The following IGF1 variants were observed in gnomAD, a reference collection of about 807,000 sequenced individuals.
IGF1 encodes the protein insulin like growth factor 1, also known as insulin-like growth factor 1.
Under a neutral mutation model 13.8 loss-of-function variants are expected in IGF1, and 4 were observed. That is an observed-to-expected ratio of 0.29 (90% CI 0.14 to 0.66). The LOEUF is 0.66. Among genes scored for constraint, IGF1 ranks in the 30% least tolerant of loss-of-function variants. The pLI, the probability that IGF1 is intolerant of heterozygous loss-of-function variation, is 0.78. For missense variants in IGF1, 124 were observed against 188.5 expected, an observed-to-expected ratio of 0.66 and a Z score of 2.00; for synonymous variants, 76 against 72.6, an observed-to-expected ratio of 1.05 and a Z score of -0.23.
At chr12:102,448,664 A>G (rs1403576781) in intron 2 of IGF1, among the ~76,000 whole-genome samples, 6 of 141,714 alleles carry the variant, frequency 4.2e-5, no homozygotes, top group Non-Finnish European at 7.5e-5. Context: ...CAATGTGCAC[A>G]TGTACCCTAA....
rs190082439 is a variant in IGF1, at chr12:102,478,377, C to T, written c.63+1942G>A. The T allele has an allele frequency of 1.5e-4, 80 of 523,234 alleles. 1 individual carries two copies. The highest frequency in any genetic ancestry group is 1.5e-3 in the African/African-American group (74 of 50,308). 32.4% of individuals were successfully genotyped at this position (523,234 alleles called of 1,614,324 possible). ...TTCACAAACCCAAATTTTAAAAGTT[C>T]TTTTTTTTTTAATCTTAGATAAATG... On this transcript the variant is annotated intron_variant, in intron 1 of 3. Coordinates refer to ENST00000337514, the MANE Select transcript of IGF1 (RefSeq NM_000618.5).
chr12:102,405,129 C>A (rs1874037387), intron 3 of IGF1, among the ~76,000 whole-genome samples: 1 of 151,250 alleles, frequency 6.6e-6, no homozygotes, highest in Admixed American at 6.6e-5. Context: ...ACTCTGTCAC[C>A]CAGGCTGGAG....
At chr12:102,441,955 C>CTTCTTCTTCTTCTTCT (rs1555244164) in intron 2 of IGF1, among the ~76,000 whole-genome samples, 25 of 140,052 alleles carry the variant, frequency 1.8e-4, no homozygotes, top group African/African-American at 5.4e-4. Flanking sequence ...TCTTCTTCTT[C>CTTCTTCTTCTTCTTCT]TTTTTTTTTT....
At chr12:102,481,740 G>C (rs1419224197), upstream of IGF1, 1 of 152,000 alleles carries the variant, frequency 6.6e-6, no homozygotes, top group Non-Finnish European at 1.5e-5. Context: ...TGGTTTCCCA[G>C]GAGTGGTGGA....
rs1592726415 is a variant in IGF1 at position 102,399,647 on chromosome 12, G to A, written c.*2860C>T. On this transcript the variant is annotated 3_prime_UTR_variant, in exon 4 of 4. Coordinates refer to ENST00000337514, the MANE Select transcript of IGF1 (RefSeq NM_000618.5). ...ATAATCCAGTTGGAGAGGATTATGT[G>A]TTGGAAAAAGTTAAGAAAGATAATA... is the stretch of plus-strand genomic sequence containing the variant. The A allele has an allele frequency of 6.6e-6, 1 of 152,268 alleles. No individual in the cohort carries two copies. Among genetic ancestry groups the A allele is most frequent in the East Asian group, 1.9e-4 (1 of 5,186 alleles). 9.4% of individuals were successfully genotyped at this position (152,268 alleles called of 1,614,324 possible).
chr12:102,444,862 A>G (rs888895552), intron 2 of IGF1, among the ~76,000 whole-genome samples: 1 of 152,148 alleles, frequency 6.6e-6, no homozygotes, highest in Non-Finnish European at 1.5e-5. Context: ...TGATTGCCTC[A>G]GGTGGTACAA....
intron 3 of IGF1, chr12:102,417,994 G>C (rs1169298184): frequency 1.4e-5 from 22 of 1,612,452 alleles, no homozygotes; most frequent in Non-Finnish European, 1.9e-5. Flanking sequence ...TTGGTAGATG[G>C]GGGCTGATAC....
chr12:102,480,856 G>A (rs1169933114), upstream of IGF1, among the ~76,000 whole-genome samples: 1 of 152,180 alleles, frequency 6.6e-6, no homozygotes, highest in South Asian at 2.1e-4. Context: ...TTTCTGCTGG[G>A]CATGAAGACA....
At chr12:102,418,307 C>A (rs922331420) in intron 3 of IGF1, among the ~76,000 whole-genome samples, 1 of 152,230 alleles carries the variant, frequency 6.6e-6, no homozygotes, top group East Asian at 1.9e-4. Context: ...TTCTGAGATC[C>A]TTGCTTCCTG....
chr12:102,438,418 A>G (rs1268912918), intron 2 of IGF1, among the ~76,000 whole-genome samples: 1 of 152,224 alleles, frequency 6.6e-6, no homozygotes, highest in African/African-American at 2.4e-5. Context: ...AGCTTAGGAA[A>G]CGGCTGTAAA....
chr12:102,468,834 A>C (rs569778586), intron 2 of IGF1, among the ~76,000 whole-genome samples: 2 of 152,346 alleles, frequency 1.3e-5, no homozygotes, highest in Admixed American at 1.3e-4. Flanking sequence ...TGTTATCGAG[A>C]ACAATGAGAC....
At chr12:102,416,582 C>T (rs566320556) in intron 3 of IGF1, among the ~76,000 whole-genome samples, 1 of 152,314 alleles carries the variant, frequency 6.6e-6, no homozygotes, top group East Asian at 1.9e-4. Context: ...TTCTGGATCT[C>T]AGTGTCCTAG....
At chr12:102,480,644 T>G (rs938275367), upstream of IGF1, 15 of 1,268,602 alleles carry the variant, frequency 1.2e-5, no homozygotes, top group African/African-American at 2.1e-4. Flanking sequence ...ACATTTGCCT[T>G]CTCTCTCTCT....
In IGF1 at chr12:102,400,648, A is replaced by G. The variant is rs928576394; in HGVS notation, c.*1859T>C. On this transcript the variant is annotated 3_prime_UTR_variant, in exon 4 of 4. Coordinates refer to ENST00000337514, the MANE Select transcript of IGF1 (RefSeq NM_000618.5). ...TATTAGATATTATTTTAATATTTCA[A>G]ATTTTGGATCACTTTCCTTATATTG... The G allele has an allele frequency of 5.9e-5, 9 of 152,172 alleles. No homozygotes were observed. Among genetic ancestry groups the G allele is most frequent in the African/African-American group, 2.2e-4 (9 of 41,452 alleles). The allele number at this position is 152,172 out of a possible 1,614,324, so 9.4% of individuals were successfully genotyped here.
At chr12:102,409,171 C>A (rs1874421132) in intron 3 of IGF1, among the ~76,000 whole-genome samples, 1 of 152,144 alleles carries the variant, frequency 6.6e-6, no homozygotes, top group Non-Finnish European at 1.5e-5. Flanking sequence ...ATTTACCTGG[C>A]ATGCGGTATA....
intron 2 of IGF1, among the ~76,000 whole-genome samples, chr12:102,469,586 A>T (rs1880564020): frequency 6.6e-6 from 1 of 152,212 alleles, no homozygotes; most frequent in Non-Finnish European, 1.5e-5. Flanking sequence ...ATATAGGGTC[A>T]TTACATAGAT....
At chr12:102,439,679 C>T (rs1228152976) in intron 2 of IGF1, among the ~76,000 whole-genome samples, 1 of 145,492 alleles carries the variant, frequency 6.9e-6, no homozygotes, top group African/African-American at 2.6e-5. Context: ...TATTTTAAGG[C>T]TCATTTGGAG....
chr12:102,449,133 G>C (rs906446236), intron 2 of IGF1, among the ~76,000 whole-genome samples: 2 of 152,140 alleles, frequency 1.3e-5, no homozygotes, highest in East Asian at 1.9e-4. Context: ...CAATAGGAAA[G>C]ACTTGGAACC....
chr12:102,451,010 T>C (rs1257283524), intron 2 of IGF1, among the ~76,000 whole-genome samples: 2 of 152,162 alleles, frequency 1.3e-5, no homozygotes, highest in Non-Finnish European at 2.9e-5. Flanking sequence ...TGTCAGTGGA[T>C]AACAAGGAGA....
Sources: gnomAD v4.1 joint callset for allele counts (sites outside exome capture counted in the v4.1 genomes callset) on GRCh38, gnomAD v4.1.1 for gene constraint, MANE v1.5 for transcripts, NCBI Gene and HGNC (gene_info 2026-07-23, HGNC 2026-07-21) for gene names.